CTNND2: variants seen among roughly 807,000 people sequenced by gnomAD.
CTNND2 encodes the protein catenin delta-2.
A neutral mutation model predicts 144.4 loss-of-function variants in CTNND2; 22 were observed. The ratio of observed to expected loss-of-function variants is 0.15; its 90% CI spans 0.11 to 0.22. The LOEUF (loss-of-function observed/expected upper bound fraction) is 0.22. CTNND2 is among the 10% of genes least tolerant of loss of function. The pLI is 1.00. For missense variants in CTNND2, 1,353 were observed against 1,618.8 expected, an observed-to-expected ratio of 0.84 and a Z score of 2.82; for synonymous variants, 751 against 695.6, an observed-to-expected ratio of 1.08 and a Z score of -1.25.
At chr5:11,258,232 C>T (rs760107965) in intron 9 of CTNND2, among the ~76,000 whole-genome samples, 1 of 152,184 alleles carries the variant, frequency 6.6e-6, no homozygotes, top group African/African-American at 2.4e-5. Context: ...ACAATGTCCA[C>T]AGGCCAGGGA....
intron 2 of CTNND2, among the ~76,000 whole-genome samples, chr5:11,578,041 C>CA (rs1778099372): frequency 6.6e-6 from 1 of 151,924 alleles, no homozygotes; most frequent in South Asian, 2.1e-4. Flanking sequence ...TTCTTACACC[C>CA]AAAAAAATAG....
chr5:11,229,044 T>G (rs1740684555), intron 10 of CTNND2, among the ~76,000 whole-genome samples: 1 of 152,196 alleles, frequency 6.6e-6, no homozygotes, highest in African/African-American at 2.4e-5. Flanking sequence ...CTGTAAACAC[T>G]TCATATATAA....
intron 5 of CTNND2, among the ~76,000 whole-genome samples, chr5:11,411,308 G>T: frequency 6.6e-6 from 1 of 152,122 alleles, no homozygotes; most frequent in Admixed American, 6.6e-5. Flanking sequence ...TAATTAGTGC[G>T]AAAACTAGAT....
At chr5:11,687,971 T>A (rs1784731754) in intron 2 of CTNND2, among the ~76,000 whole-genome samples, 1 of 151,804 alleles carries the variant, frequency 6.6e-6, no homozygotes, top group African/African-American at 2.4e-5. Flanking sequence ...TGAGGTGGGG[T>A]TGTGCCTGGA....
chr5:11,126,833 C>A (rs1754725144), intron 12 of CTNND2, among the ~76,000 whole-genome samples: 1 of 152,200 alleles, frequency 6.6e-6, no homozygotes, highest in South Asian at 2.1e-4. Context: ...ACACTTACAG[C>A]AGCAAGTCAT....
chr5:11,584,454 T>A (rs1778678651), intron 2 of CTNND2, among the ~76,000 whole-genome samples: 1 of 151,082 alleles, frequency 6.6e-6, no homozygotes, highest in East Asian at 1.9e-4. Context: ...GCTAGTACTG[T>A]TTAAAGTCAC....
intron 2 of CTNND2, among the ~76,000 whole-genome samples, chr5:11,627,327 T>C (rs1315638579): frequency 1.3e-5 from 2 of 152,134 alleles, no homozygotes; most frequent in Non-Finnish European, 2.9e-5. Flanking sequence ...CCAGGTGGAG[T>C]TACCAGCAGT....
At chr5:11,253,581 T>C (rs570672304) in intron 9 of CTNND2, among the ~76,000 whole-genome samples, 61 of 152,328 alleles carry the variant, frequency 4.0e-4, no homozygotes, top group Non-Finnish European at 5.9e-4. Flanking sequence ...CCCAGCCACA[T>C]GGAACTGTGA....
At chr5:11,726,931 A>C (rs1230412662) in intron 2 of CTNND2, among the ~76,000 whole-genome samples, 1 of 152,170 alleles carries the variant, frequency 6.6e-6, no homozygotes, top group Non-Finnish European at 1.5e-5. Context: ...ATTAAGTTTC[A>C]GGGGGAAAAG....
At chr5:10,987,128 C>CCATG (rs1738076841) in intron 20 of CTNND2, among the ~76,000 whole-genome samples, 2 of 152,188 alleles carry the variant, frequency 1.3e-5, no homozygotes, top group African/African-American at 2.4e-5. Context: ...GATGTGGGGT[C>CCATG]CCCGTTGAAA....
At chr5:11,807,377 C>T (rs748035739) in intron 1 of CTNND2, among the ~76,000 whole-genome samples, 1 of 152,138 alleles carries the variant, frequency 6.6e-6, no homozygotes, top group Non-Finnish European at 1.5e-5. Context: ...CTACCTTCTG[C>T]CTCCCAGATT....
intron 9 of CTNND2, among the ~76,000 whole-genome samples, chr5:11,252,825 C>T (rs1449642883): frequency 6.6e-6 from 1 of 152,178 alleles, no homozygotes. Context: ...ATGTGTACTC[C>T]TCAGTAATTT....
At chr5:11,791,603 T>C (rs1431460283) in intron 1 of CTNND2, among the ~76,000 whole-genome samples, 5 of 152,326 alleles carry the variant, frequency 3.3e-5, no homozygotes, top group East Asian at 1.9e-4. Flanking sequence ...TATTTGATAA[T>C]GTATTTGGCA....
At chr5:11,070,114 G>C (rs1748092869) in intron 16 of CTNND2, among the ~76,000 whole-genome samples, 1 of 152,190 alleles carries the variant, frequency 6.6e-6, no homozygotes, top group South Asian at 2.1e-4. Context: ...CGAAAATTAA[G>C]AGAAAATAAA....
intron 10 of CTNND2, among the ~76,000 whole-genome samples, chr5:11,226,577 G>A (rs904367306): frequency 5.3e-5 from 8 of 152,318 alleles, no homozygotes; most frequent in South Asian, 2.1e-4. Flanking sequence ...CTTACATGGC[G>A]TCCAACAAAG....
chr5:11,013,253 C>G (rs1226872907), intron 18 of CTNND2, among the ~76,000 whole-genome samples: 1 of 152,194 alleles, frequency 6.6e-6, no homozygotes, highest in Non-Finnish European at 1.5e-5. Flanking sequence ...CACTCTCCAT[C>G]AAACTTAAGC....
intron 9 of CTNND2, among the ~76,000 whole-genome samples, chr5:11,246,483 C>T (rs534269276): frequency 8.6e-5 from 13 of 152,044 alleles, no homozygotes; most frequent in African/African-American, 3.1e-4. Context: ...CCCAGGGACA[C>T]CGAGGATTCC....
chr5:11,147,124 A>G (rs1341322754), intron 12 of CTNND2, among the ~76,000 whole-genome samples: 4 of 152,220 alleles, frequency 2.6e-5, no homozygotes, highest in East Asian at 1.9e-4. Flanking sequence ...GTTTTGGGGA[A>G]AGACAAAACT....
intron 9 of CTNND2, among the ~76,000 whole-genome samples, chr5:11,336,249 A>T (rs1026539118): frequency 1.3e-5 from 2 of 152,174 alleles, no homozygotes; most frequent in Non-Finnish European, 1.5e-5. Flanking sequence ...TTTGTTCAAC[A>T]TGCCAATAAC....
Sources: allele counts gnomAD v4.1 joint callset (sites outside exome capture counted in the v4.1 genomes callset), GRCh38; gene constraint gnomAD v4.1.1; transcripts MANE v1.5; gene names NCBI Gene and HGNC (gene_info 2026-07-23, HGNC 2026-07-21).